The following AOPEP variants were observed in gnomAD, a reference collection of about 807,000 sequenced individuals.
AOPEP encodes aminopeptidase O (putative).
AOPEP carries 77 observed loss-of-function variants against 98.1 expected under a neutral mutation model. The ratio of observed to expected loss-of-function variants is 0.78; its 90% CI spans 0.65 to 0.95. AOPEP has a LOEUF of 0.95. Among genes scored for constraint, AOPEP ranks in the 40% least tolerant of loss-of-function variants. The pLI, the probability that AOPEP is intolerant of heterozygous loss-of-function variation, is 0.00. For synonymous variants in AOPEP, 346 were observed against 365.3 expected (o/e 0.95, Z 0.60); for missense variants, 1,024 against 1,024.7 (o/e 1.00, Z 0.01).
At chr9:94,934,410 G>T (rs1186925029) in intron 7 of AOPEP, among the ~76,000 whole-genome samples, 1 of 148,402 alleles carries the variant, frequency 6.7e-6, no homozygotes, top group Non-Finnish European at 1.5e-5. Context: ...TCTGACTCTG[G>T]AGCTCAGGTG....
chr9:94,836,730 T>A (rs2041649789), intron 5 of AOPEP, among the ~76,000 whole-genome samples: 1 of 152,206 alleles, frequency 6.6e-6, no homozygotes, highest in African/African-American at 2.4e-5. Context: ...AATCTTTTCT[T>A]TCATAGATTG....
intron 14 of AOPEP, among the ~76,000 whole-genome samples, chr9:95,069,510 T>C (rs534729443): frequency 1.4e-5 from 2 of 148,054 alleles, no homozygotes; most frequent in Admixed American, 6.6e-5. Context: ...GTGCCATATT[T>C]CAAAGTGAAC....
intron 7 of AOPEP, among the ~76,000 whole-genome samples, chr9:94,943,455 G>A (rs1476921294): frequency 6.6e-6 from 1 of 151,284 alleles, no homozygotes; most frequent in Non-Finnish European, 1.5e-5. Context: ...TTATCCAGGT[G>A]TGGTGACATG....
At chr9:95,057,611 A>G (rs923225444) in intron 13 of AOPEP, among the ~76,000 whole-genome samples, 2 of 152,222 alleles carry the variant, frequency 1.3e-5, no homozygotes, top group Non-Finnish European at 2.9e-5. Flanking sequence ...TTTAAGGTCT[A>G]TTATCTTATC....
intron 7 of AOPEP, among the ~76,000 whole-genome samples, chr9:94,936,303 T>A (rs1175216325): frequency 6.6e-6 from 1 of 152,116 alleles, no homozygotes; most frequent in Non-Finnish European, 1.5e-5. Flanking sequence ...GTCCCCCATC[T>A]CATCTCTTGT....
intron 7 of AOPEP, among the ~76,000 whole-genome samples, chr9:94,951,442 T>C (rs752016777): frequency 3.3e-5 from 5 of 152,176 alleles, no homozygotes; most frequent in Non-Finnish European, 4.4e-5. Context: ...AGTTTTGTGG[T>C]CTTCTCTAGG....
chr9:94,735,685 C>A (rs1305740322), intron 1 of AOPEP, among the ~76,000 whole-genome samples: 1 of 152,122 alleles, frequency 6.6e-6, no homozygotes, highest in Non-Finnish European at 1.5e-5. Context: ...AATTCACATG[C>A]CACAAAATTC....
chr9:94,795,221 T>C (rs2133561498), intron 4 of AOPEP, among the ~76,000 whole-genome samples: 1 of 152,292 alleles, frequency 6.6e-6, no homozygotes. Flanking sequence ...GTCAGAATCT[T>C]ACCTGGAGAC....
chr9:94,788,178 C>T (rs72746519), intron 3 of AOPEP, among the ~76,000 whole-genome samples: 1 of 152,084 alleles, frequency 6.6e-6, no homozygotes, highest in African/African-American at 2.4e-5. Context: ...CCAAGTGATC[C>T]TCCTACCTCA....
chr9:94,828,802 TTATTTA>T (rs1171870059), intron 5 of AOPEP, among the ~76,000 whole-genome samples: 1 of 150,392 alleles, frequency 6.6e-6, no homozygotes, highest in African/African-American at 2.5e-5. Flanking sequence ...AATAAACACA[TTATTTA>T]TATATATTTC....
intron 5 of AOPEP, among the ~76,000 whole-genome samples, chr9:94,916,710 T>TTAAATAAA (rs72185513): frequency 2.1e-5 from 3 of 143,000 alleles, no homozygotes; most frequent in South Asian, 2.2e-4. Context: ...AAAAAAAAAA[T>TTAAATAAA]TAAATAAATA....
At chr9:94,829,508 C>T (rs1262359240) in intron 5 of AOPEP, among the ~76,000 whole-genome samples, 1 of 152,140 alleles carries the variant, frequency 6.6e-6, no homozygotes, top group African/African-American at 2.4e-5. Context: ...AACTTTTCTC[C>T]CTTTCTTAAG....
chr9:94,738,059 T>C (rs1050201768), intron 1 of AOPEP, among the ~76,000 whole-genome samples: 7 of 152,206 alleles, frequency 4.6e-5, no homozygotes, highest in East Asian at 3.8e-4. Context: ...AGTTTACTTA[T>C]CTGTAAGATG....
At chr9:95,120,976 T>C in the AOPEP span, among the ~76,000 whole-genome samples, 3 of 152,190 alleles carry the variant, frequency 2.0e-5, no homozygotes, top group African/African-American at 7.2e-5. Flanking sequence ...CTGCCTGCCT[T>C]CCAACCTCAC....
At chr9:94,869,350 AG>A (rs1352413515) in intron 5 of AOPEP, among the ~76,000 whole-genome samples, 2 of 152,232 alleles carry the variant, frequency 1.3e-5, no homozygotes, top group African/African-American at 4.8e-5. Flanking sequence ...TGAAGTTCCA[AG>A]TTTTTGATCC....
intron 3 of AOPEP, among the ~76,000 whole-genome samples, chr9:94,780,297 T>C (rs1217546332): frequency 6.6e-6 from 1 of 152,212 alleles, no homozygotes; most frequent in East Asian, 1.9e-4. Flanking sequence ...TATCAAAAAA[T>C]TGAGAATTAA....
the AOPEP span, among the ~76,000 whole-genome samples, chr9:95,103,620 C>T: frequency 6.6e-6 from 1 of 152,304 alleles, no homozygotes; most frequent in African/African-American, 2.4e-5. Flanking sequence ...TGGCGAGAGG[C>T]CAGGAGCCAG....
At chr9:94,999,956 G>A (rs1381182237) in intron 11 of AOPEP, among the ~76,000 whole-genome samples, 1 of 152,208 alleles carries the variant, frequency 6.6e-6, no homozygotes, top group Non-Finnish European at 1.5e-5. Context: ...GCAGCAGTGA[G>A]CTCAGGTTAT....
At chr9:94,809,850 G>A (rs1339093506) in intron 5 of AOPEP, 1 of 154,590 alleles carries the variant, frequency 6.5e-6, no homozygotes, top group African/African-American at 2.4e-5. Context: ...CCAAAGAATT[G>A]GCACGTGCCC....
Sources: gnomAD v4.1 joint callset for allele counts (sites outside exome capture counted in the v4.1 genomes callset) on GRCh38, gnomAD v4.1.1 for gene constraint, MANE v1.5 for transcripts, NCBI Gene and HGNC (gene_info 2026-07-23, HGNC 2026-07-21) for gene names.